The following KIAA1549L variants were observed in gnomAD, a reference collection of about 807,000 sequenced individuals.
The protein encoded by KIAA1549L is KIAA1549 like.
A neutral mutation model predicts 160.7 loss-of-function variants in KIAA1549L; 88 were observed. The ratio of observed to expected loss-of-function variants is 0.55; its 90% confidence interval spans 0.46 to 0.65. The LOEUF is 0.65. KIAA1549L is among the 30% of genes least tolerant of loss of function. The pLI is 0.00. For synonymous variants in KIAA1549L, 950 were observed against 976.7 expected (o/e 0.97, Z 0.51); for missense variants, 2,258 against 2,437.5 (o/e 0.93, Z 1.55).
intron 1 of KIAA1549L, among the ~76,000 whole-genome samples, chr11:33,498,188 A>G (rs1383292072): frequency 6.6e-6 from 1 of 152,158 alleles, no homozygotes; most frequent in Non-Finnish European, 1.5e-5. Flanking sequence ...CCAGCTACCT[A>G]GGAGGCTAAG....
At chr11:33,535,247 C>T (rs1218059027) in intron 1 of KIAA1549L, among the ~76,000 whole-genome samples, 1 of 152,184 alleles carries the variant, frequency 6.6e-6, no homozygotes, top group Non-Finnish European at 1.5e-5. Context: ...CAGTTCTCAC[C>T]AGCTGGGCTT....
intron 1 of KIAA1549L, among the ~76,000 whole-genome samples, chr11:33,519,616 T>C (rs1853431993): frequency 1.3e-5 from 2 of 152,202 alleles, no homozygotes; most frequent in Admixed American, 1.3e-4. Context: ...CAAGAAGCTG[T>C]GCATATATAA....
intron 15 of KIAA1549L, among the ~76,000 whole-genome samples, chr11:33,616,100 A>T (rs1330936574): frequency 6.6e-6 from 1 of 152,216 alleles, no homozygotes; most frequent in Non-Finnish European, 1.5e-5. Flanking sequence ...AATCCAGCAC[A>T]AACTGGTTAA....
intron 1 of KIAA1549L, among the ~76,000 whole-genome samples, chr11:33,387,089 A>G (rs1011129198): frequency 2.0e-5 from 3 of 152,160 alleles, no homozygotes; most frequent in African/African-American, 2.4e-5. Flanking sequence ...CCTGGGTGAC[A>G]TAGCAAGACT....
chr11:33,596,589 A>G (rs1049919127), intron 12 of KIAA1549L, among the ~76,000 whole-genome samples: 2 of 152,162 alleles, frequency 1.3e-5, no homozygotes, highest in African/African-American at 4.8e-5. Flanking sequence ...ATACTAAAAA[A>G]TTAGCCTGGC....
chr11:33,618,690 C>A (rs1374305806), intron 16 of KIAA1549L, 28 bp downstream of exon 16: 1 of 1,529,284 alleles, frequency 6.5e-7, no homozygotes, highest in South Asian at 1.2e-5. Flanking sequence ...TGGGTAAATA[C>A]AAGCTTTCCT....
At chr11:33,565,000 A>C (rs1379091859) in intron 8 of KIAA1549L, among the ~76,000 whole-genome samples, 1 of 152,194 alleles carries the variant, frequency 6.6e-6, no homozygotes, top group Non-Finnish European at 1.5e-5. Flanking sequence ...AGCTTCATTG[A>C]ACACAGCTGG....
intron 1 of KIAA1549L, among the ~76,000 whole-genome samples, chr11:33,423,946 C>G (rs1307813454): frequency 6.6e-6 from 1 of 151,986 alleles, no homozygotes; most frequent in Non-Finnish European, 1.5e-5. Flanking sequence ...GGAGGATTGC[C>G]TGAGCCCAGG....
In KIAA1549L at chr11:33,543,414, G is replaced by T. The variant is rs374809533; in HGVS notation, c.1851G>T (p.Thr617=). ...CTCCCATCATTACAGCACCAAGGAC[G>T]AATCCCCTTCCTTCAGGACCACCTC... ...VSSPIITAPR[T]NPLPSGPPLP... is the part of the protein sequence containing the mutation. The change falls in exon 2 of 21, where the codon ACG becomes ACT. Residue 617 remains threonine (T), a synonymous_variant. Transcript: ENST00000658780. The T allele has an allele frequency of 6.2e-7, 1 of 1,613,854 alleles. No individual in the cohort carries two copies. The highest frequency in any genetic ancestry group is 2.2e-5 in the East Asian group (1 of 44,890).
In KIAA1549L at chr11:33,483,405, A is replaced by G. The variant is rs572430970; in HGVS notation, c.239-58397A>G. Among the ~76,000 whole-genome samples, 12 of 152,238 alleles carry G rather than the reference A, an allele frequency of 7.9e-5. No homozygotes were observed. The South Asian group carries it at 2.3e-3, about 29-fold the overall frequency. On this transcript the variant is annotated intron_variant, in intron 1 of 20. Coordinates refer to ENST00000658780, the MANE Select transcript of KIAA1549L (RefSeq NM_012194.3). ...GAAGTGATGTGGGTGGGTTGGGTACATTCACCTAGAGACCTTAGCTAATCT... is the reference window on the plus strand; with the variant it reads ...GAAGTGATGTGGGTGGGTTGGGTACGTTCACCTAGAGACCTTAGCTAATCT...
At chr11:33,549,703 C>T (rs1027369594) in intron 4 of KIAA1549L, among the ~76,000 whole-genome samples, 1 of 152,172 alleles carries the variant, frequency 6.6e-6, no homozygotes, top group African/African-American at 2.4e-5. Flanking sequence ...GGGGAGAAAG[C>T]AGGTGTCAAA....
chr11:33,465,466 A>G (rs78001240), intron 1 of KIAA1549L, among the ~76,000 whole-genome samples: 17 of 152,274 alleles, frequency 1.1e-4, no homozygotes, highest in African/African-American at 3.6e-4. Context: ...TGCATGACCC[A>G]GTTGGAACAC....
intron 10 of KIAA1549L, among the ~76,000 whole-genome samples, chr11:33,578,755 G>T (rs1484767275): frequency 6.6e-6 from 1 of 152,146 alleles, no homozygotes; most frequent in East Asian, 1.9e-4. Flanking sequence ...TTTTCATCCT[G>T]CATGTTCCCT....
rs1165793442 is a variant in KIAA1549L, at chr11:33,506,729, A to AAG, written c.239-35073_239-35072insAG. 3.3e-5 allele frequency among the ~76,000 whole-genome samples: 5 copies of AAG among 151,732 alleles called. No homozygotes were observed. In the East Asian group the frequency reaches 9.6e-4, roughly 29 times the overall value. On this transcript the variant is annotated intron_variant, in intron 1 of 20. Transcript: ENST00000658780. ...ACACCTTGCTAAAAAAAAAAAAAAAATTGAACAACAACAACAAAAAACATT... is the reference window on the plus strand; with the variant it reads ...ACACCTTGCTAAAAAAAAAAAAAAAAAGTTGAACAACAACAACAAAAAACATT...
chr11:33,661,148 CATTTT>C (rs2133447360), intron 20 of KIAA1549L, 134 bp downstream of exon 20: 1 of 898,422 alleles, frequency 1.1e-6, no homozygotes, highest in African/African-American at 1.7e-5. Flanking sequence ...TAAAGTCAGC[CATTTT>C]AAAGGAGACA....
chr11:33,620,160 CACTT>C (rs1850920173), intron 16 of KIAA1549L, among the ~76,000 whole-genome samples: 1 of 152,198 alleles, frequency 6.6e-6, no homozygotes, highest in Non-Finnish European at 1.5e-5. Context: ...TTGCAGCACT[CACTT>C]AGCATCTGTG....
intron 6 of KIAA1549L, among the ~76,000 whole-genome samples, chr11:33,553,306 A>AT (rs5790938): frequency 0.088 from 12,780 of 144,900 alleles, 719 homozygotes; most frequent in East Asian, 0.3. Context: ...GGTGCGCTGT[A>AT]TTTTTTTTTT....
At chr11:33,565,956 A>G (rs891977664) in intron 8 of KIAA1549L, among the ~76,000 whole-genome samples, 4 of 152,198 alleles carry the variant, frequency 2.6e-5, no homozygotes, top group Non-Finnish European at 5.9e-5. Context: ...GGGGCTGCAG[A>G]GTCGTGATCC....
At chr11:33,567,308 T>C (rs932601821) in intron 8 of KIAA1549L, among the ~76,000 whole-genome samples, 3 of 152,222 alleles carry the variant, frequency 2.0e-5, no homozygotes, top group African/African-American at 7.2e-5. Context: ...TCATTGGGCT[T>C]ATGTTGGCTG....
Sources: gnomAD v4.1 joint callset for allele counts (sites outside exome capture counted in the v4.1 genomes callset) on GRCh38, gnomAD v4.1.1 for gene constraint, MANE v1.5 for transcripts, NCBI Gene and HGNC (gene_info 2026-07-23, HGNC 2026-07-21) for gene names.